RHAG: variants seen among roughly 807,000 people sequenced by gnomAD.
RHAG encodes the protein ammonium transporter Rh type A.
RHAG carries 25 observed loss-of-function variants against 42.4 expected under a neutral mutation model. The observed-to-expected ratio is 0.59, with a 90% CI of 0.43 to 0.82. RHAG has a LOEUF of 0.82. Ranked by LOEUF, RHAG falls within the 40% of genes least tolerant of loss-of-function variation. The pLI is 0.00. For synonymous variants in RHAG, 182 were observed against 177.7 expected (o/e 1.02, Z -0.19); for missense variants, 483 against 504.6 (o/e 0.96, Z 0.41).
At chr6:49,609,866 A>G (rs897809950) in intron 7 of RHAG, among the ~76,000 whole-genome samples, 1 of 152,222 alleles carries the variant, frequency 6.6e-6, no homozygotes, top group Non-Finnish European at 1.5e-5. Flanking sequence ...GGATTTAAAA[A>G]TTGAGCATTC....
At chr6:49,624,015 A>G (rs566325886) in intron 1 of RHAG, among the ~76,000 whole-genome samples, 49 of 152,218 alleles carry the variant, frequency 3.2e-4, no homozygotes, top group African/African-American at 1.2e-3. Context: ...CTGAGATCAT[A>G]GCAACTCAGT....
chr6:49,636,833 G>A lies in RHAG; in HGVS notation c.-21C>T, dbSNP rs754859329. 18 of 1,613,104 alleles carry A rather than the reference G, an allele frequency of 1.1e-5. No individual in the cohort carries two copies. The highest frequency in any genetic ancestry group is 1.4e-5 in the Non-Finnish European group (17 of 1,179,346). On this transcript the variant is annotated 5_prime_UTR_variant, in exon 1 of 10. Coordinates refer to ENST00000371175, the MANE Select transcript of RHAG (RefSeq NM_000324.3). Reference sequence around the variant, plus strand: ...CTCATGTTTGTGGCAAAGGACAGAGGCACACTGAGAGCTTCACAGGCTGTG... The same window carrying A: ...CTCATGTTTGTGGCAAAGGACAGAGACACACTGAGAGCTTCACAGGCTGTG...
intron 1 of RHAG, among the ~76,000 whole-genome samples, chr6:49,624,092 A>G (rs6918589): frequency 0.22 from 33,065 of 152,188 alleles, 3,828 homozygotes; most frequent in African/African-American, 0.29. Context: ...GAAAAGTATA[A>G]AAGCGAAGAA....
rs114497398 is a variant in RHAG at position 49,613,836 on chromosome 6, C to T, written c.807+851G>A. Among the ~76,000 whole-genome samples the T allele has an allele frequency of 8.1e-3, 1,230 of 152,256 alleles. 17 individuals are homozygous for T. The highest frequency in any genetic ancestry group is 0.028 in the African/African-American group (1,143 of 41,546). On this transcript the variant is annotated intron_variant, in intron 5 of 9. Transcript: ENST00000371175. ...TGTTAATCTTACATAACCATGGAAT[C>T]GAAATTAGCATTGATAAAATACTAT...
intron 1 of RHAG, among the ~76,000 whole-genome samples, chr6:49,621,363 T>G (rs1464782138): frequency 5.3e-5 from 8 of 152,182 alleles, no homozygotes; most frequent in Non-Finnish European, 1.0e-4. Flanking sequence ...ACACAATAAC[T>G]GATTCACATG....
At chr6:49,630,380 A>T (rs1419943192) in intron 1 of RHAG, among the ~76,000 whole-genome samples, 1 of 152,206 alleles carries the variant, frequency 6.6e-6, no homozygotes, top group Non-Finnish European at 1.5e-5. Context: ...CTCAACAGAA[A>T]GTCTGCCACC....
At chr6:49,608,729 A>G (rs1762516986) in intron 7 of RHAG, among the ~76,000 whole-genome samples, 1 of 152,082 alleles carries the variant, frequency 6.6e-6, no homozygotes. Context: ...TTTATATTCC[A>G]ATTTTTTACT....
chr6:49,620,005 G>A (rs1028596003), intron 1 of RHAG, among the ~76,000 whole-genome samples: 7 of 152,174 alleles, frequency 4.6e-5, no homozygotes, highest in South Asian at 4.1e-4. Context: ...CACCAGCCAC[G>A]AAAATCTTAC....
intron 1 of RHAG, among the ~76,000 whole-genome samples, chr6:49,620,514 C>T (rs1762735867): frequency 6.6e-6 from 1 of 151,854 alleles, no homozygotes; most frequent in East Asian, 1.9e-4. Flanking sequence ...CTGAATGGGG[C>T]ACCATAGTTT....
chr6:49,612,807 G>T (rs978382027), intron 5 of RHAG, among the ~76,000 whole-genome samples: 4 of 152,180 alleles, frequency 2.6e-5, no homozygotes, highest in Admixed American at 1.3e-4. Context: ...AAAATCAAAA[G>T]ATGTTGTAGT....
chr6:49,624,267 G>A (rs1364315893), intron 1 of RHAG, among the ~76,000 whole-genome samples: 8 of 152,012 alleles, frequency 5.3e-5, no homozygotes, highest in East Asian at 1.9e-4. Context: ...GTGCAGTGGC[G>A]CAATCTCGGC....
intron 1 of RHAG, among the ~76,000 whole-genome samples, chr6:49,634,956 C>CTGTGTGTGTGTG (rs72452277): frequency 0.033 from 4,272 of 129,658 alleles, 99 homozygotes; most frequent in Non-Finnish European, 0.048. Flanking sequence ...GTGTGTACAC[C>CTGTGTGTGTGTG]TGTGTGTGTG....
intron 9 of RHAG, 66 bp from the exon 10 acceptor site, chr6:49,605,896 T>G: frequency 7.8e-7 from 1 of 1,288,406 alleles, no homozygotes. Flanking sequence ...AAATTAGTAT[T>G]GAAACAAAAA....
At chr6:49,606,404 A>C (rs1026244735) in intron 9 of RHAG, among the ~76,000 whole-genome samples, 1 of 151,998 alleles carries the variant, frequency 6.6e-6, no homozygotes, top group Admixed American at 6.6e-5. Context: ...AACATTTACT[A>C]ACTAAATTCT....
chr6:49,626,150 A>G (rs1283920989), intron 1 of RHAG, among the ~76,000 whole-genome samples: 1 of 152,114 alleles, frequency 6.6e-6, no homozygotes, highest in East Asian at 1.9e-4. Flanking sequence ...TTCAAAACCA[A>G]TCATGCCTTC....
At position 49,609,393 on chromosome 6, in the gene RHAG, C is replaced by A. The variant is rs139668309; in HGVS notation, c.1067+1631G>T. Among the ~76,000 whole-genome samples, 6 of 152,330 alleles carry A rather than the reference C, an allele frequency of 3.9e-5. No homozygotes were observed. In the East Asian group the frequency reaches 7.7e-4, roughly 20 times the overall value. ...GCCAGATAGACGTGTTTTATTGCAT[C>A]TGTGAAACTGTTCTAGGCATGATGC... On this transcript the variant is annotated intron_variant, in intron 7 of 9. Coordinates refer to ENST00000371175, the MANE Select transcript of RHAG (RefSeq NM_000324.3).
intron 1 of RHAG, among the ~76,000 whole-genome samples, chr6:49,620,046 T>C (rs1762727636): frequency 1.3e-5 from 2 of 152,194 alleles, no homozygotes; most frequent in Non-Finnish European, 1.5e-5. Context: ...ATGGGATAAT[T>C]TCTTTGTTAG....
rs536246184 is a variant in RHAG at position 49,606,770 on chromosome 6, A to G, written c.1212+78T>C. 6 of 976,672 alleles carry G rather than the reference A, an allele frequency of 6.1e-6. No individual in the cohort carries two copies. The Admixed American group carries it at 8.8e-5, about 14-fold the overall frequency. The allele number at this position is 976,672 out of a possible 1,614,324, so 60.5% of individuals were successfully genotyped here. ...AATTTCATCACACCTATGCACACAGATATCTAGGCTTGAAGTGTGTAAAGC... is the reference window on the plus strand; with the variant it reads ...AATTTCATCACACCTATGCACACAGGTATCTAGGCTTGAAGTGTGTAAAGC... On this transcript the variant is annotated intron_variant, in intron 9 of 9. Coordinates refer to ENST00000371175, the MANE Select transcript of RHAG (RefSeq NM_000324.3).
At chr6:49,620,482 G>T (rs1457326306) in intron 1 of RHAG, among the ~76,000 whole-genome samples, 1 of 152,008 alleles carries the variant, frequency 6.6e-6, no homozygotes, top group Admixed American at 6.6e-5. Flanking sequence ...ACACATAACA[G>T]CATCCACTAC....
Sources: gnomAD v4.1 joint callset for allele counts (sites outside exome capture counted in the v4.1 genomes callset) on GRCh38, gnomAD v4.1.1 for gene constraint, MANE v1.5 for transcripts, NCBI Gene and HGNC (gene_info 2026-07-23, HGNC 2026-07-21) for gene names.